The following PNPLA1 variants were observed in gnomAD, a reference collection of about 807,000 sequenced individuals.
PNPLA1 encodes omega-hydroxyceramide transacylase.
In PNPLA1, 36 loss-of-function variants were observed where a neutral mutation model predicts 51.7. The ratio of observed to expected loss-of-function variants is 0.70; its 90% CI spans 0.53 to 0.92. PNPLA1 has a LOEUF of 0.92. Among genes scored for constraint, PNPLA1 ranks in the 40% least tolerant of loss-of-function variants. The pLI, the probability that PNPLA1 is intolerant of heterozygous loss-of-function variation, is 0.00. For synonymous variants in PNPLA1, 293 were observed against 280.1 expected (o/e 1.05, Z -0.46); for missense variants, 658 against 682.5 (o/e 0.96, Z 0.40).
chr6:36,311,340 C>T (rs997808496), intron 8 of PNPLA1, among the ~76,000 whole-genome samples: 7 of 152,120 alleles, frequency 4.6e-5, no homozygotes, highest in African/African-American at 1.4e-4. Flanking sequence ...TCCAGGCACA[C>T]GGGATGGCCC....
At chr6:36,301,381 C>T (rs978288488) in intron 5 of PNPLA1, among the ~76,000 whole-genome samples, 13 of 152,214 alleles carry the variant, frequency 8.5e-5, no homozygotes, top group Non-Finnish European at 1.5e-4. Flanking sequence ...CATGGTCCGG[C>T]CCCTGCCGCC....
chr6:36,268,613 G>A (rs1769819188), upstream of PNPLA1, among the ~76,000 whole-genome samples: 1 of 152,150 alleles, frequency 6.6e-6, no homozygotes, highest in Non-Finnish European at 1.5e-5. Flanking sequence ...AGATGTTCCA[G>A]CCCACACTGC....
chr6:36,291,591 G>A, intron 2 of PNPLA1, 39 bp downstream of exon 2: 1 of 1,220,470 alleles, frequency 8.2e-7, no homozygotes. Flanking sequence ...CACGGAGGGG[G>A]CGGGGGAGGG....
chr6:36,272,086 C>T (rs989525341), intron 1 of PNPLA1, among the ~76,000 whole-genome samples: 8 of 152,226 alleles, frequency 5.3e-5, no homozygotes, highest in South Asian at 4.2e-4. Flanking sequence ...ATGATTCAAG[C>T]GCATTACATT....
intron 1 of PNPLA1, among the ~76,000 whole-genome samples, chr6:36,244,267 G>C (rs1025525863): frequency 1.3e-5 from 2 of 152,092 alleles, no homozygotes; most frequent in Non-Finnish European, 2.9e-5. Flanking sequence ...CTAGAGAAAA[G>C]TAAGGGTACT....
At chr6:36,291,592 C>CGGGGG in intron 2 of PNPLA1, 40 bp downstream of exon 2, 1 of 105,202 alleles carries the variant, frequency 9.5e-6, no homozygotes, top group Non-Finnish European at 1.9e-5. Context: ...ACGGAGGGGG[C>CGGGGG]GGGGGAGGGC....
chr6:36,275,272 G>A (rs780122408), intron 1 of PNPLA1, among the ~76,000 whole-genome samples: 1 of 151,852 alleles, frequency 6.6e-6, no homozygotes, highest in Non-Finnish European at 1.5e-5. Context: ...GTAGAGTCAG[G>A]GTCTCACTAT....
At chr6:36,300,441 G>C (rs1048008207) in intron 5 of PNPLA1, among the ~76,000 whole-genome samples, 2 of 152,030 alleles carry the variant, frequency 1.3e-5, no homozygotes, top group Non-Finnish European at 2.9e-5. Flanking sequence ...TAATCCGCCC[G>C]CCTCGGCCTC....
At chr6:36,248,737 T>G (rs949523088) in intron 1 of PNPLA1, among the ~76,000 whole-genome samples, 3 of 152,186 alleles carry the variant, frequency 2.0e-5, no homozygotes, top group African/African-American at 7.2e-5. Flanking sequence ...CAGGCTGGTC[T>G]TGAACTCTTG....
chr6:36,294,445 C>A lies in PNPLA1; in HGVS notation c.714+46C>A. ...GGGGAGTAGCAGAAGGTACCAGGGA[C>A]TAGGGGTGGGGTTAGAGAGCCACTG... is the stretch of plus-strand genomic sequence containing the variant. On this transcript the variant is annotated intron_variant, in intron 4 of 8. Coordinates refer to ENST00000636260, the MANE Select transcript of PNPLA1 (RefSeq NM_001374623.1). This position sits in a 1 kb window ranked among gnomAD's most constrained non-coding sequence, Gnocchi z 4.2. 6.4e-7 allele frequency: 1 copy of A among 1,572,856 alleles called. No homozygotes were observed. The highest frequency in any genetic ancestry group is 8.7e-7 in the Non-Finnish European group (1 of 1,146,980).
intron 6 of PNPLA1, among the ~76,000 whole-genome samples, chr6:36,303,150 A>C (rs770509706): frequency 1.3e-5 from 2 of 152,268 alleles, no homozygotes; most frequent in South Asian, 2.1e-4. Flanking sequence ...GCTAGAGTGC[A>C]GTGGCGTGAT....
intron 8 of PNPLA1, chr6:36,308,560 T>A (rs1156639971): frequency 6.6e-6 from 1 of 152,160 alleles, no homozygotes; most frequent in Non-Finnish European, 1.5e-5. Context: ...AACACTCTCC[T>A]GGACTCTGGC....
At position 36,293,054 on chromosome 6, in the gene PNPLA1, C is replaced by T. The variant is rs373711651; in HGVS notation, c.439-7C>T. On this transcript the variant is annotated splice_polypyrimidine_tract_variant and splice_region_variant and intron_variant, in intron 2 of 8. Transcript: ENST00000636260. ...TCCAGCATCTCAGCCCTGTTCTCTC[C>T]GCACAGGCCCTATACTGCAGCTGCT... The T allele has an allele frequency of 2.6e-4, 414 of 1,612,758 alleles. 3 individuals are homozygous for T. The highest frequency in any genetic ancestry group is 2.1e-3 in the South Asian group (188 of 90,970).
At chr6:36,299,420 C>T (rs1341436808) in intron 5 of PNPLA1, among the ~76,000 whole-genome samples, 2 of 151,216 alleles carry the variant, frequency 1.3e-5, no homozygotes, top group Non-Finnish European at 2.9e-5. Context: ...CTGCAAGCTC[C>T]ACCTCCTGGG....
chr6:36,277,904 T>C (rs1290558652), intron 1 of PNPLA1, among the ~76,000 whole-genome samples: 2 of 152,182 alleles, frequency 1.3e-5, no homozygotes, highest in Non-Finnish European at 2.9e-5. Flanking sequence ...TCCAGTTTGT[T>C]GTCTGGGAAA....
At chr6:36,298,145 G>T (rs756289001) in intron 5 of PNPLA1, among the ~76,000 whole-genome samples, 7 of 151,996 alleles carry the variant, frequency 4.6e-5, no homozygotes, top group Non-Finnish European at 1.0e-4. Context: ...TCCTTTTTAC[G>T]TTCCGTGCCA....
At chr6:36,277,891 AAGTCC>A (rs776337676) in intron 1 of PNPLA1, among the ~76,000 whole-genome samples, 2 of 152,158 alleles carry the variant, frequency 1.3e-5, no homozygotes, top group Non-Finnish European at 1.5e-5. Context: ...TCACAAAGCC[AAGTCC>A]AGTTTGTTGT....
At position 36,301,965 on chromosome 6, in the gene PNPLA1, C is replaced by G. The variant is rs776079082; in HGVS notation, c.880C>G (p.Gln294Glu). 20 of 1,614,080 alleles carry G rather than the reference C, an allele frequency of 1.2e-5. No homozygotes were observed. Among genetic ancestry groups the G allele is most frequent in the African/African-American group, 2.7e-5 (2 of 74,922 alleles). ...ALGNECPERS[Q>E]PSLRARQASL... The stretch of plus-strand genomic sequence containing the variant: ...TGGCAATGAGTGCCCTGAACGCAGT[C>G]AACCAAGCCTTCGAGCACGGCAGGC... The change falls in exon 6 of 9, where the codon CAA becomes GAA. Residue 294 changes from glutamine (Q) to glutamate (E), a missense_variant. By Grantham distance (29) the Gln-to-Glu change is conservative. Transcript: ENST00000636260.
intron 1 of PNPLA1, among the ~76,000 whole-genome samples, chr6:36,275,960 C>T (rs1770080649): frequency 6.6e-6 from 1 of 150,432 alleles, no homozygotes; most frequent in Admixed American, 6.6e-5. Context: ...TTCTTTCTTT[C>T]TTTCTTTCTT....
Sources: gnomAD v4.1 joint callset for allele counts (sites outside exome capture counted in the v4.1 genomes callset) on GRCh38, gnomAD v4.1.1 for gene constraint, Gnocchi (gnomAD v3.1) non-coding constraint, MANE v1.5 for transcripts, NCBI Gene and HGNC (gene_info 2026-07-23, HGNC 2026-07-21) for gene names.